Variants in LARP1B observed in about 807,000 individuals in gnomAD.
LARP1B encodes the protein la-related protein 1B.
LARP1B carries 76 observed loss-of-function variants against 114.2 expected under a neutral mutation model. The observed-to-expected ratio is 0.67, with a 90% CI of 0.55 to 0.81. The LOEUF is 0.81. LARP1B is among the 30% of genes least tolerant of loss of function. The pLI, the probability that LARP1B is intolerant of heterozygous loss-of-function variation, is 0.00. For missense variants in LARP1B, 1,014 were observed against 1,075.8 expected (o/e 0.94, Z 0.80); for synonymous variants, 345 against 348.0 (o/e 0.99, Z 0.10).
At chr4:128,075,619 C>G (rs746208675) in intron 3 of LARP1B, among the ~76,000 whole-genome samples, 35 of 151,612 alleles carry the variant, frequency 2.3e-4, no homozygotes, top group Non-Finnish European at 4.7e-4. Context: ...GTGATCACAG[C>G]TCACTGCAGC....
intron 11 of LARP1B, among the ~76,000 whole-genome samples, chr4:128,149,972 G>A (rs1456320368): frequency 6.6e-6 from 1 of 152,124 alleles, no homozygotes; most frequent in African/African-American, 2.4e-5. Flanking sequence ...CCTACATGGT[G>A]AAACCCTGTC....
chr4:128,155,904 C>T (rs1336094850), intron 11 of LARP1B: 1 of 1,548,912 alleles, frequency 6.5e-7, no homozygotes, highest in Non-Finnish European at 8.9e-7. Flanking sequence ...GACCCATCTG[C>T]AAAATCCCCG....
intron 8 of LARP1B, among the ~76,000 whole-genome samples, chr4:128,100,950 T>TG (rs1780113701): frequency 6.6e-6 from 1 of 151,080 alleles, no homozygotes; most frequent in African/African-American, 2.4e-5. Flanking sequence ...CCCGAGTAGC[T>TG]GGGATTACAG....
intron 11 of LARP1B, among the ~76,000 whole-genome samples, chr4:128,149,333 A>G (rs1731670862): frequency 6.6e-6 from 1 of 152,212 alleles, no homozygotes; most frequent in Non-Finnish European, 1.5e-5. Flanking sequence ...CAGTTTTTAT[A>G]AAGAAAGTGG....
chr4:128,089,520 G>GAA (rs1403961293), intron 5 of LARP1B, among the ~76,000 whole-genome samples: 1 of 151,948 alleles, frequency 6.6e-6, no homozygotes, highest in Non-Finnish European at 1.5e-5. Context: ...ATTTTTAGTA[G>GAA]AGATGGGGTT....
In LARP1B at chr4:128,210,058, T is replaced by C. The variant is rs1485085809; in HGVS notation, c.*5T>C. On this transcript the variant is annotated 3_prime_UTR_variant, in exon 20 of 20. Coordinates refer to ENST00000326639, the MANE Select transcript of LARP1B (RefSeq NM_018078.4). The stretch of plus-strand genomic sequence containing the variant: ...TCCAGTGACAATTCACATTAAACAG[T>C]GCTGCCTGTGTCCTGTGGTCTCAAG... 6.2e-7 allele frequency: 1 copy of C among 1,613,844 alleles called. No individual in the cohort carries two copies. The highest frequency in any genetic ancestry group is 1.7e-5 in the Admixed American group (1 of 60,012).
intron 12 of LARP1B, among the ~76,000 whole-genome samples, chr4:128,170,883 T>A (rs1581245112): frequency 1.3e-5 from 2 of 150,026 alleles, no homozygotes; most frequent in African/African-American, 4.9e-5. Flanking sequence ...TTTTTTTTTT[T>A]TTTTTTGGCT....
chr4:128,121,817 T>C lies in LARP1B; in HGVS notation c.1162-9T>C. On this transcript the variant is annotated splice_polypyrimidine_tract_variant and intron_variant, in intron 10 of 19. Transcript: ENST00000326639. ...GTTTTTTATATAAATTACCAATTTCTTCCTTCAGGAATCAGTGTCTGTCCC... is the reference window on the plus strand; with the variant it reads ...GTTTTTTATATAAATTACCAATTTCCTCCTTCAGGAATCAGTGTCTGTCCC... 6.7e-7 allele frequency: 1 copy of C among 1,501,810 alleles called. No individual in the cohort carries two copies. Among genetic ancestry groups the C allele is most frequent in the Non-Finnish European group, 8.9e-7 (1 of 1,125,600 alleles). 93.0% of individuals were successfully genotyped at this position (1,501,810 alleles called of 1,614,324 possible).
Position 128,200,562 on chromosome 4 carries a change from A to C in LARP1B, c.2206A>C (p.Thr736Pro), listed in dbSNP as rs1471285781. The change falls in exon 17 of 20, where the codon ACC (threonine) becomes CCC (proline). Residue 736 changes from threonine to proline, a missense_variant. Thr to Pro is a conservative substitution (Grantham distance 38). Coordinates refer to ENST00000326639, the MANE Select transcript of LARP1B (RefSeq NM_018078.4). Reference sequence around the variant, plus strand: ...AATTGGTCAGTCCCAAGAAATGAATACCCTCTTTCGTTTCTGGTCCTTTTT... The same window carrying C: ...AATTGGTCAGTCCCAAGAAATGAATCCCCTCTTTCGTTTCTGGTCCTTTTT... ...LGIGQSQEMN[T>P]LFRFWSFFLR... 1 of 1,588,102 alleles carries C rather than the reference A, an allele frequency of 6.3e-7. No homozygotes were observed. Among genetic ancestry groups the C allele is most frequent in the East Asian group, 2.3e-5 (1 of 44,012 alleles).
Position 128,146,142 on chromosome 4 carries a change from A to G in LARP1B, c.1525-16052A>G, listed in dbSNP as rs940336872. Reference sequence around the variant, plus strand: ...CAGTTCCATTTCTAGTTATGTCTATATGTGTACGTGTGTGTATCTTTTGTA... The same window carrying G: ...CAGTTCCATTTCTAGTTATGTCTATGTGTGTACGTGTGTGTATCTTTTGTA... On this transcript the variant is annotated intron_variant, in intron 11 of 19. Transcript: ENST00000326639. Among the ~76,000 whole-genome samples, 4 of 152,208 alleles carry G rather than the reference A, an allele frequency of 2.6e-5. No individual in the cohort carries two copies. The East Asian group carries it at 5.8e-4, about 22-fold the overall frequency.
At position 128,113,569 on chromosome 4, in the gene LARP1B, C is replaced by G. The variant is rs559312921; in HGVS notation, c.989-1001C>G. On this transcript the variant is annotated intron_variant, in intron 9 of 19. Transcript: ENST00000326639. ...TCTTGGCCAGGCTGGTCTTGAACTC[C>G]TGACCTTGTGATCCACCCGCCTCAG... is the stretch of plus-strand genomic sequence containing the variant. 6.6e-5 allele frequency among the ~76,000 whole-genome samples: 10 copies of G among 151,754 alleles called. 1 individual carries two copies. The East Asian group carries it at 1.9e-3, about 29-fold the overall frequency.
At chr4:128,083,039 A>G (rs1324290404) in intron 5 of LARP1B, among the ~76,000 whole-genome samples, 1 of 152,022 alleles carries the variant, frequency 6.6e-6, no homozygotes, top group African/African-American at 2.4e-5. Context: ...TGCTGCCTTC[A>G]AGCATCTGTT....
At chr4:128,076,018 T>C (rs1163805489) in intron 3 of LARP1B, among the ~76,000 whole-genome samples, 1 of 152,090 alleles carries the variant, frequency 6.6e-6, no homozygotes, top group African/African-American at 2.4e-5. Context: ...CTCATCTGGT[T>C]ATATTCTTTT....
intron 11 of LARP1B, among the ~76,000 whole-genome samples, chr4:128,126,782 A>G (rs1023073119): frequency 1.3e-5 from 2 of 150,462 alleles, no homozygotes; most frequent in African/African-American, 4.9e-5. Context: ...CATCTAGTAG[A>G]TTTTATTATA....
chr4:128,112,821 AAAC>A (rs1236595343), intron 9 of LARP1B, among the ~76,000 whole-genome samples: 2 of 152,106 alleles, frequency 1.3e-5, no homozygotes, highest in African/African-American at 4.8e-5. Context: ...TCCTGTTATG[AAAC>A]AATATATAGT....
At chr4:128,127,432 T>C (rs1580756738) in intron 11 of LARP1B, among the ~76,000 whole-genome samples, 1 of 152,212 alleles carries the variant, frequency 6.6e-6, no homozygotes, top group Admixed American at 6.5e-5. Context: ...ATTAAAGTTA[T>C]TAAAGTTTGC....
chr4:128,083,671 G>T (rs1367050648), intron 5 of LARP1B, among the ~76,000 whole-genome samples: 1 of 85,212 alleles, frequency 1.2e-5, no homozygotes, highest in East Asian at 2.9e-4. Context: ...AGGTGGGGGG[G>T]CTGAGCCCCC....
intron 15 of LARP1B, among the ~76,000 whole-genome samples, chr4:128,195,114 T>C (rs932979301): frequency 2.6e-5 from 4 of 152,226 alleles, no homozygotes; most frequent in Non-Finnish European, 5.9e-5. Flanking sequence ...TTTTTGTTGT[T>C]GAAATCTTGC....
intron 12 of LARP1B, among the ~76,000 whole-genome samples, chr4:128,172,397 T>C (rs11941199): frequency 0.41 from 62,210 of 152,012 alleles, 13,863 homozygotes; most frequent in African/African-American, 0.58. Context: ...AAAATTTTAA[T>C]TAAAAAATTA....
Sources: gnomAD v4.1 joint callset for allele counts (sites outside exome capture counted in the v4.1 genomes callset) on GRCh38, gnomAD v4.1.1 for gene constraint, MANE v1.5 for transcripts, NCBI Gene and HGNC (gene_info 2026-07-23, HGNC 2026-07-21) for gene names.